The following SNTG1 variants were observed in gnomAD, a reference collection of about 807,000 sequenced individuals.
SNTG1 encodes the protein gamma-1-syntrophin.
Under a neutral mutation model 74.7 loss-of-function variants are expected in SNTG1, and 39 were observed. The ratio of observed to expected loss-of-function variants is 0.52; its 90% CI spans 0.40 to 0.68. The LOEUF (loss-of-function observed/expected upper bound fraction) is 0.68. Ranked by LOEUF, SNTG1 falls within the 30% of genes least tolerant of loss-of-function variation. SNTG1 has a pLI of 0.00. For synonymous variants in SNTG1, 254 were observed against 217.1 expected (o/e 1.17, Z -1.49); for missense variants, 685 against 609.5 (o/e 1.12, Z -1.30).
At chr8:50,210,657 C>T (rs1480529229) in intron 2 of SNTG1, among the ~76,000 whole-genome samples, 2 of 152,080 alleles carry the variant, frequency 1.3e-5, no homozygotes, top group Non-Finnish European at 2.9e-5. Flanking sequence ...GAAGTAAATT[C>T]CTTTACAGAC....
At chr8:50,100,495 A>G (rs1158326396) in intron 1 of SNTG1, among the ~76,000 whole-genome samples, 1 of 152,086 alleles carries the variant, frequency 6.6e-6, no homozygotes, top group Non-Finnish European at 1.5e-5. Context: ...TTTGATCACT[A>G]TGCACTGTAT....
chr8:50,707,769 T>C, intron 16 of SNTG1: 2 of 284,296 alleles, frequency 7.0e-6, no homozygotes, highest in African/African-American at 4.4e-5. Flanking sequence ...GATTGGAATA[T>C]CCCACTACGA....
intron 18 of SNTG1, among the ~76,000 whole-genome samples, chr8:50,763,648 T>TTTGTGTGTG (rs1554629240): frequency 8.5e-6 from 1 of 117,096 alleles, no homozygotes; most frequent in Non-Finnish European, 1.7e-5. Context: ...ATTGCCTTTA[T>TTTGTGTGTG]TGTGTGTGTG....
At chr8:50,546,282 C>T (rs2094387069) in intron 11 of SNTG1, among the ~76,000 whole-genome samples, 1 of 151,558 alleles carries the variant, frequency 6.6e-6, no homozygotes, top group Non-Finnish European at 1.5e-5. Flanking sequence ...GAAAGGAGCA[C>T]AATATGTAAG....
intron 2 of SNTG1, among the ~76,000 whole-genome samples, chr8:50,280,657 A>T (rs773526297): frequency 9.2e-5 from 14 of 152,158 alleles, no homozygotes; most frequent in Admixed American, 3.9e-4. Flanking sequence ...GGATTTTCTG[A>T]CTGGCAATTG....
chr8:49,935,392 CTTT>C (rs35517917), intron 1 of SNTG1, among the ~76,000 whole-genome samples: 13 of 132,128 alleles, frequency 9.8e-5, no homozygotes, highest in Admixed American at 3.1e-4. Context: ...CCATTAATTC[CTTT>C]TTTTTTTTTT....
At chr8:50,487,608 A>G (rs1357991525) in intron 8 of SNTG1, among the ~76,000 whole-genome samples, 1 of 148,318 alleles carries the variant, frequency 6.7e-6, no homozygotes, top group Admixed American at 6.9e-5. Flanking sequence ...AACACTGCAT[A>G]TTCTCACTCG....
chr8:50,003,647 A>G (rs925533548), intron 1 of SNTG1, among the ~76,000 whole-genome samples: 3 of 152,194 alleles, frequency 2.0e-5, no homozygotes, highest in African/African-American at 4.8e-5. Flanking sequence ...AGGAAACTCT[A>G]TTTAGAAGAT....
chr8:50,687,581 A>G (rs1374758241), intron 15 of SNTG1, among the ~76,000 whole-genome samples: 1 of 145,842 alleles, frequency 6.9e-6, no homozygotes. Context: ...TTCTTTTTTT[A>G]TTATTATAAT....
chr8:50,484,221 TTTC>T (rs2093770017), intron 8 of SNTG1, among the ~76,000 whole-genome samples: 4 of 116,396 alleles, frequency 3.4e-5, no homozygotes, highest in African/African-American at 5.5e-5. Context: ...TCCTTCTTTC[TTTC>T]TTTTTTTTTT....
intron 1 of SNTG1, among the ~76,000 whole-genome samples, chr8:50,169,907 CCA>C (rs1419845280): frequency 6.6e-6 from 1 of 152,066 alleles, no homozygotes; most frequent in African/African-American, 2.4e-5. Flanking sequence ...GAGTGTTCAC[CCA>C]CTGCACTCTA....
At chr8:50,783,323 G>A (rs1404849051) in intron 18 of SNTG1, among the ~76,000 whole-genome samples, 1 of 152,212 alleles carries the variant, frequency 6.6e-6, no homozygotes, top group Non-Finnish European at 1.5e-5. Flanking sequence ...AGGCAGGCAG[G>A]CCTCCTTGAG....
chr8:50,609,599 T>G (rs2094836180), intron 13 of SNTG1, among the ~76,000 whole-genome samples: 1 of 150,490 alleles, frequency 6.6e-6, no homozygotes, highest in African/African-American at 2.5e-5. Context: ...TGTCAATTAT[T>G]TCTTTGAATA....
chr8:50,034,586 T>A (rs1409652646), intron 1 of SNTG1, among the ~76,000 whole-genome samples: 1 of 152,152 alleles, frequency 6.6e-6, no homozygotes, highest in African/African-American at 2.4e-5. Flanking sequence ...GCCCCAAACC[T>A]GGGATTTCAT....
At chr8:50,326,972 GT>G (rs1445390324) in intron 2 of SNTG1, among the ~76,000 whole-genome samples, 2 of 151,870 alleles carry the variant, frequency 1.3e-5, no homozygotes, top group African/African-American at 4.8e-5. Flanking sequence ...GAAGAGTGTT[GT>G]TTAATCCTCA....
At chr8:50,598,184 A>G (rs1360356707) in intron 13 of SNTG1, among the ~76,000 whole-genome samples, 1 of 151,898 alleles carries the variant, frequency 6.6e-6, no homozygotes, top group Non-Finnish European at 1.5e-5. Context: ...GCTTTCTTCA[A>G]GTGCTTCCAT....
chr8:50,645,161 TCTATAATGAACC>T (rs1195546019), intron 13 of SNTG1, among the ~76,000 whole-genome samples: 19 of 6,030 alleles, frequency 3.2e-3, no homozygotes, highest in African/African-American at 0.018. Flanking sequence ...TATAGAAGGT[TCTATAATGAACC>T]TTGAAACATA....
In SNTG1 at chr8:50,160,629, C is replaced by A. The variant is rs1027743325; in HGVS notation, c.-102-11932C>A. Among the ~76,000 whole-genome samples, 7 of 124,450 alleles carry A rather than the reference C, an allele frequency of 5.6e-5. No homozygotes were observed. In the South Asian group the frequency reaches 1.5e-3, roughly 27 times the overall value. 81.6% of individuals were successfully genotyped at this position (124,450 alleles called of 152,430 possible). A position where few individuals can be genotyped will look rare whatever the true frequency, so the allele number is the denominator to read the frequency against. ...TAGTAAATATCCCTGAATAACAAGG[C>A]ATGTGATTTGTGATCTGAGTCATAA... On this transcript the variant is annotated intron_variant, in intron 1 of 18. Transcript: ENST00000642720.
intron 1 of SNTG1, among the ~76,000 whole-genome samples, chr8:49,927,328 A>G (rs1807118091): frequency 6.6e-6 from 1 of 152,204 alleles, no homozygotes; most frequent in Non-Finnish European, 1.5e-5. Flanking sequence ...TATTCATAAT[A>G]CCAAGCTTGG....
Sources: allele counts gnomAD v4.1 joint callset (sites outside exome capture counted in the v4.1 genomes callset), GRCh38; gene constraint gnomAD v4.1.1; transcripts MANE v1.5; gene names NCBI Gene and HGNC (gene_info 2026-07-23, HGNC 2026-07-21).